The following KIAA1328 variants were observed in gnomAD, a reference collection of about 807,000 sequenced individuals.
KIAA1328 encodes the protein protein hinderin.
In KIAA1328, 52 loss-of-function variants were observed where a neutral mutation model predicts 68.1. The observed-to-expected ratio is 0.76, with a 90% CI of 0.61 to 0.96. KIAA1328 has a LOEUF of 0.96. Among genes scored for constraint, KIAA1328 ranks in the 40% least tolerant of loss-of-function variants. KIAA1328 has a pLI of 0.00. For missense variants in KIAA1328, 641 were observed against 677.6 expected (o/e 0.95, Z 0.60); for synonymous variants, 232 against 239.4 (o/e 0.97, Z 0.28).
At chr18:37,015,478 C>G (rs546179940) in intron 6 of KIAA1328, among the ~76,000 whole-genome samples, 1 of 152,128 alleles carries the variant, frequency 6.6e-6, no homozygotes, top group Admixed American at 6.5e-5. Flanking sequence ...TTTGGCTATT[C>G]AAGCTCTTTT....
intron 5 of KIAA1328, among the ~76,000 whole-genome samples, chr18:36,955,405 G>A (rs796211694): frequency 6.6e-5 from 10 of 151,636 alleles, no homozygotes; most frequent in African/African-American, 2.4e-4. Context: ...CATCTCCTGG[G>A]TTCAAGCGAT....
chr18:37,100,535 G>C (rs2057576237), intron 7 of KIAA1328, among the ~76,000 whole-genome samples: 1 of 152,172 alleles, frequency 6.6e-6, no homozygotes, highest in South Asian at 2.1e-4. Flanking sequence ...GCTCAAACTG[G>C]GTGGAGCCCA....
At chr18:37,025,990 G>T (rs1269529096) in intron 6 of KIAA1328, among the ~76,000 whole-genome samples, 1 of 151,910 alleles carries the variant, frequency 6.6e-6, no homozygotes, top group East Asian at 1.9e-4. Flanking sequence ...GACTAACAAA[G>T]AAGAAAAGAG....
intron 8 of KIAA1328, among the ~76,000 whole-genome samples, chr18:37,165,977 GT>G (rs547245981): frequency 3.8e-4 from 57 of 149,730 alleles, no homozygotes; most frequent in Middle Eastern, 7.1e-3. Context: ...ATCATGTTAT[GT>G]TTTTTCTTCT....
At chr18:36,998,215 A>C (rs2053465267) in intron 6 of KIAA1328, among the ~76,000 whole-genome samples, 1 of 152,138 alleles carries the variant, frequency 6.6e-6, no homozygotes, top group South Asian at 2.1e-4. Flanking sequence ...TAGGCAGCCA[A>C]GCACTGCTCC....
intron 4 of KIAA1328, among the ~76,000 whole-genome samples, chr18:36,869,446 T>G (rs552843029): frequency 2.6e-5 from 4 of 152,298 alleles, no homozygotes; most frequent in African/African-American, 9.6e-5. Flanking sequence ...GGTCAAATTT[T>G]GGTTATGAAA....
chr18:37,178,325 T>G (rs1176479945), intron 9 of KIAA1328, among the ~76,000 whole-genome samples: 3 of 152,166 alleles, frequency 2.0e-5, no homozygotes, highest in African/African-American at 7.2e-5. Flanking sequence ...TGAGGCCAAG[T>G]CAACCAGTTC....
At chr18:37,101,652 A>G (rs1016653096) in intron 7 of KIAA1328, among the ~76,000 whole-genome samples, 51 of 152,322 alleles carry the variant, frequency 3.3e-4, no homozygotes, top group Non-Finnish European at 6.5e-4. Flanking sequence ...ATTCAAATTC[A>G]GGAAATACAG....
At chr18:37,214,409 C>T (rs2060383237) in intron 9 of KIAA1328, among the ~76,000 whole-genome samples, 1 of 152,150 alleles carries the variant, frequency 6.6e-6, no homozygotes, top group Admixed American at 6.5e-5. Context: ...AATAGGGAAT[C>T]CTTTCCCCAT....
At chr18:36,864,447 G>A (rs1356077873) in intron 4 of KIAA1328, among the ~76,000 whole-genome samples, 2 of 151,760 alleles carry the variant, frequency 1.3e-5, no homozygotes, top group African/African-American at 4.8e-5. Context: ...GACTACAGGC[G>A]CCTGCCACCA....
At chr18:36,932,890 A>G (rs2050363136) in intron 5 of KIAA1328, among the ~76,000 whole-genome samples, 1 of 152,224 alleles carries the variant, frequency 6.6e-6, no homozygotes, top group Non-Finnish European at 1.5e-5. Context: ...GGTAGTTGGT[A>G]AGAAAAATAA....
chr18:37,116,448 G>T (rs112923280), intron 7 of KIAA1328, among the ~76,000 whole-genome samples: 48 of 152,128 alleles, frequency 3.2e-4, no homozygotes, highest in African/African-American at 1.1e-3. Context: ...TGGGAAAACT[G>T]GCTAGCCATA....
At position 37,113,945 on chromosome 18, in the gene KIAA1328, C is replaced by A. The variant is rs372755731; in HGVS notation, c.1233-46255C>A. Among the ~76,000 whole-genome samples, 42 of 152,180 alleles carry A rather than the reference C, an allele frequency of 2.8e-4. 1 individual carries two copies. The highest frequency in any genetic ancestry group is 9.7e-4 in the East Asian group (5 of 5,170). ...ACATAATGGTAAAGGGATCAATTCA[C>A]CAAGAAGAGCCAACCATCCTAAATA... On this transcript the variant is annotated intron_variant, in intron 7 of 9. Transcript: ENST00000280020.
chr18:36,984,553 G>A (rs189585823), intron 6 of KIAA1328, among the ~76,000 whole-genome samples: 194 of 152,234 alleles, frequency 1.3e-3, no homozygotes, highest in Non-Finnish European at 2.0e-3. Context: ...ATGTGGCAAT[G>A]TCAAAGACCT....
chr18:37,202,420 TGG>T (rs2060132535), intron 9 of KIAA1328, among the ~76,000 whole-genome samples: 2 of 152,224 alleles, frequency 1.3e-5, no homozygotes, highest in Non-Finnish European at 2.9e-5. Context: ...CCTGGTCCAA[TGG>T]TATGATCTCC....
intron 8 of KIAA1328, among the ~76,000 whole-genome samples, chr18:37,169,332 A>AT (rs1421628182): frequency 6.6e-6 from 1 of 151,716 alleles, no homozygotes; most frequent in East Asian, 1.9e-4. Context: ...GGCCCAGCTA[A>AT]TTTTTTGTAT....
chr18:37,044,822 G>C (rs1338238470), intron 6 of KIAA1328, among the ~76,000 whole-genome samples: 1 of 149,320 alleles, frequency 6.7e-6, no homozygotes, highest in Non-Finnish European at 1.5e-5. Context: ...AAAATTCAAA[G>C]CAACAGTTTA....
rs2060581287 is a variant in KIAA1328, at chr18:37,222,404, G to A, written c.*177G>A. 7.7e-6 allele frequency: 11 copies of A among 1,435,154 alleles called. No homozygotes were observed. The South Asian group carries it at 1.7e-4, about 22-fold the overall frequency. The allele number at this position is 1,435,154 out of a possible 1,614,324, so 88.9% of individuals were successfully genotyped here. A position where few individuals can be genotyped will look rare whatever the true frequency, so the allele number is the denominator to read the frequency against. On this transcript the variant is annotated 3_prime_UTR_variant, in exon 10 of 10. Coordinates refer to ENST00000280020, the MANE Select transcript of KIAA1328 (RefSeq NM_020776.3). ...TAACAACCCAGGTTATTTTCAATCAGACCAGGCATTCGATAACACACTAAG... is the reference window on the plus strand; with the variant it reads ...TAACAACCCAGGTTATTTTCAATCAAACCAGGCATTCGATAACACACTAAG...
At chr18:37,113,979 C>A (rs555263912) in intron 7 of KIAA1328, among the ~76,000 whole-genome samples, 81 of 152,282 alleles carry the variant, frequency 5.3e-4, no homozygotes, top group Non-Finnish European at 1.0e-3. Context: ...TATATATGCA[C>A]CCAATACAGG....
Sources: gnomAD v4.1 joint callset for allele counts (sites outside exome capture counted in the v4.1 genomes callset) on GRCh38, gnomAD v4.1.1 for gene constraint, MANE v1.5 for transcripts, NCBI Gene and HGNC (gene_info 2026-07-23, HGNC 2026-07-21) for gene names.